Variants in HIVEP3 observed in about 807,000 individuals in gnomAD.
HIVEP3 encodes the protein transcription factor HIVEP3.
In HIVEP3, 49 loss-of-function variants were observed where a neutral mutation model predicts 152.8. That is an observed-to-expected ratio of 0.32 (90% confidence interval 0.26 to 0.41). The LOEUF is 0.41. Ranked by LOEUF, HIVEP3 falls within the 10% of genes least tolerant of loss-of-function variation. The pLI is 1.00. For missense variants in HIVEP3, 2,790 were observed against 3,103.3 expected (o/e 0.90, Z 2.40); for synonymous variants, 1,269 against 1,289.0 (o/e 0.98, Z 0.33).
intron 5 of HIVEP3, among the ~76,000 whole-genome samples, chr1:41,551,086 G>C (rs1172627352): frequency 1.3e-5 from 2 of 152,196 alleles, no homozygotes; most frequent in Non-Finnish European, 2.9e-5. Flanking sequence ...TTAGCATGAA[G>C]TGCTGTTGAA....
chr1:41,790,311 A>G (rs1280689500), intron 1 of HIVEP3, among the ~76,000 whole-genome samples: 1 of 152,066 alleles, frequency 6.6e-6, no homozygotes, highest in Non-Finnish European at 1.5e-5. Context: ...GGATCTCTGA[A>G]CATGCCAGCT....
upstream of HIVEP3, among the ~76,000 whole-genome samples, chr1:41,923,844 C>T (rs1350369537): frequency 6.6e-6 from 1 of 152,024 alleles, no homozygotes; most frequent in African/African-American, 2.4e-5. Context: ...AAAAATTCCA[C>T]AAGGGAAAGA....
At chr1:41,880,919 T>C (rs1443860371) in intron 1 of HIVEP3, among the ~76,000 whole-genome samples, 1 of 152,218 alleles carries the variant, frequency 6.6e-6, no homozygotes, top group Non-Finnish European at 1.5e-5. Flanking sequence ...AATTTCTTGA[T>C]AACCAAACTA....
intron 1 of HIVEP3, among the ~76,000 whole-genome samples, chr1:41,853,577 G>C (rs1195940080): frequency 1.3e-5 from 2 of 152,072 alleles, no homozygotes; most frequent in Non-Finnish European, 1.5e-5. Flanking sequence ...GGGATTATGG[G>C]GATTACAATT....
intron 3 of HIVEP3, among the ~76,000 whole-genome samples, chr1:41,588,831 G>A (rs1256311666): frequency 6.6e-6 from 1 of 152,020 alleles, no homozygotes; most frequent in East Asian, 1.9e-4. Context: ...CTGGGGCTTG[G>A]ACTTCTGGAC....
chr1:41,511,345 G>C lies in HIVEP3; in HGVS notation c.6406-79C>G. The C allele has an allele frequency of 7.8e-7, 1 of 1,281,122 alleles. No individual in the cohort carries two copies. The highest frequency in any genetic ancestry group is 1.1e-6 in the Non-Finnish European group (1 of 942,724). The allele number at this position is 1,281,122 out of a possible 1,614,324, so 79.4% of individuals were successfully genotyped here. On this transcript the variant is annotated intron_variant, in intron 8 of 8. Transcript: ENST00000372583. The surrounding 1 kb of genome is among the most constrained non-coding windows in gnomAD (Gnocchi z 4.9). Reference sequence around the variant, plus strand: ...GGGAGCCGAGGCCTGGAAGTGGGAGGGGGACTCGCCCAAGATCACAGAGCG... The same window carrying C: ...GGGAGCCGAGGCCTGGAAGTGGGAGCGGGACTCGCCCAAGATCACAGAGCG...
Position 41,684,566 on chromosome 1 carries a change from T to G in HIVEP3, c.-721+16350A>C, listed in dbSNP as rs560763111. On this transcript the variant is annotated intron_variant, in intron 2 of 8. Transcript: ENST00000372583. ...GAGAGGAGGTGTAATTACTGCCTCA[T>G]GTTTAATAGCTGGGCTCTGGGGCCT... Among the ~76,000 whole-genome samples the G allele has an allele frequency of 5.3e-5, 8 of 152,324 alleles. No individual in the cohort carries two copies. In the South Asian group the frequency reaches 1.0e-3, roughly 20 times the overall value.
intron 1 of HIVEP3, among the ~76,000 whole-genome samples, chr1:41,820,948 C>G (rs958470635): frequency 2.6e-5 from 4 of 152,230 alleles, no homozygotes; most frequent in African/African-American, 7.2e-5. Flanking sequence ...CCTACCCTCC[C>G]TAGCTAGCAC....
chr1:41,826,927 G>A (rs1046316864), intron 1 of HIVEP3, among the ~76,000 whole-genome samples: 1 of 152,146 alleles, frequency 6.6e-6, no homozygotes, highest in Non-Finnish European at 1.5e-5. Flanking sequence ...ACTTATTACT[G>A]CTGTTTTACA....
intron 1 of HIVEP3, among the ~76,000 whole-genome samples, chr1:41,810,337 A>T (rs1056289067): frequency 6.6e-6 from 1 of 152,244 alleles, no homozygotes; most frequent in Non-Finnish European, 1.5e-5. Flanking sequence ...CTTGTAAGAA[A>T]GCAAAACTCC....
intron 1 of HIVEP3, among the ~76,000 whole-genome samples, chr1:41,959,923 A>C (rs1259163090): frequency 6.6e-6 from 1 of 152,168 alleles, no homozygotes; most frequent in African/African-American, 2.4e-5. Flanking sequence ...AGGGGGTATG[A>C]CCATGATCAA....
intron 1 of HIVEP3, among the ~76,000 whole-genome samples, chr1:41,704,918 T>C (rs1187353669): frequency 1.3e-5 from 2 of 152,240 alleles, no homozygotes; most frequent in Non-Finnish European, 2.9e-5. Flanking sequence ...GCCTACCTTA[T>C]GGTGGGCACT....
chr1:41,530,261 C>T (rs941531720), intron 5 of HIVEP3, among the ~76,000 whole-genome samples: 11 of 152,228 alleles, frequency 7.2e-5, no homozygotes, highest in African/African-American at 2.7e-4. Flanking sequence ...ACCTTGCGTC[C>T]GAGAGGACGA....
chr1:41,741,697 C>A (rs895722709), intron 1 of HIVEP3, among the ~76,000 whole-genome samples: 1 of 152,174 alleles, frequency 6.6e-6, no homozygotes, highest in Non-Finnish European at 1.5e-5. Flanking sequence ...CATGGGGCGT[C>A]GGGATGAGAA....
rs1030317057 is a variant in HIVEP3, at chr1:42,023,193, G to C, written n.119+12614C>G. ...GGCTAATTTTTTTATTTTTAGTAGA[G>C]ACAGGGTTTCACCATGCTGACCAGG... On this transcript the variant is annotated intron_variant and non_coding_transcript_variant, in intron 1 of 3. Transcript: ENST00000489103. 3.3e-5 allele frequency among the ~76,000 whole-genome samples: 5 copies of C among 151,926 alleles called. No individual in the cohort carries two copies. In the East Asian group the frequency reaches 9.6e-4, roughly 29 times the overall value.
chr1:41,837,220 GGGGTTTCCCTCAA>G (rs1451333408), intron 1 of HIVEP3, among the ~76,000 whole-genome samples: 10 of 152,170 alleles, frequency 6.6e-5, no homozygotes, highest in Non-Finnish European at 1.5e-4. Flanking sequence ...CATCTCATTT[GGGGTTTCCCTCAA>G]GGGTTACCTC....
rs914289582 is a variant in HIVEP3, at chr1:41,791,832, C to A, written c.-800-90837G>T. 1.1e-4 allele frequency among the ~76,000 whole-genome samples: 17 copies of A among 152,148 alleles called. 1 individual carries two copies. Among genetic ancestry groups the A allele is most frequent in the African/African-American group, 3.6e-4 (15 of 41,420 alleles). ...GCCACACATTTCCCCTCCCCACCCC[C>A]AAACCCCATACTCCACACCTACTAA... On this transcript the variant is annotated intron_variant, in intron 1 of 8. Transcript: ENST00000372583.
intron 1 of HIVEP3, among the ~76,000 whole-genome samples, chr1:41,880,132 C>A (rs547237742): frequency 6.6e-6 from 1 of 152,016 alleles, no homozygotes; most frequent in Non-Finnish European, 1.5e-5. Flanking sequence ...TGATCATAGC[C>A]CACTGTAGCC....
At chr1:41,672,736 C>G (rs567394531) in intron 2 of HIVEP3, among the ~76,000 whole-genome samples, 2 of 152,276 alleles carry the variant, frequency 1.3e-5, no homozygotes, top group African/African-American at 4.8e-5. Context: ...CAGTGATGCC[C>G]AGGCCAGAGG....
Sources: gnomAD v4.1 joint callset for allele counts (sites outside exome capture counted in the v4.1 genomes callset) on GRCh38, gnomAD v4.1.1 for gene constraint, Gnocchi (gnomAD v3.1) non-coding constraint, MANE v1.5 for transcripts, NCBI Gene and HGNC (gene_info 2026-07-23, HGNC 2026-07-21) for gene names.